The following GABRG3 variants were observed in gnomAD, a reference collection of about 807,000 sequenced individuals.
The protein encoded by GABRG3 is gamma-aminobutyric acid receptor subunit gamma-3.
GABRG3 carries 25 observed loss-of-function variants against 48.8 expected under a neutral mutation model. The observed-to-expected ratio is 0.51, with a 90% confidence interval of 0.37 to 0.72. GABRG3 has a LOEUF of 0.72. Among genes scored for constraint, GABRG3 ranks in the 30% least tolerant of loss-of-function variants. The pLI is 0.00. For missense variants in GABRG3, 394 were observed against 577.9 expected (o/e 0.68, Z 3.26); for synonymous variants, 227 against 217.6 (o/e 1.04, Z -0.38).
chr15:27,314,875 A>T (rs1409740584), intron 3 of GABRG3, among the ~76,000 whole-genome samples: 6 of 152,322 alleles, frequency 3.9e-5, no homozygotes, highest in Non-Finnish European at 1.5e-5. Flanking sequence ...ATCAGAGAGT[A>T]CAATGGTTGT....
At chr15:27,097,744 A>G (rs1897288865) in intron 3 of GABRG3, among the ~76,000 whole-genome samples, 1 of 152,124 alleles carries the variant, frequency 6.6e-6, no homozygotes, top group Non-Finnish European at 1.5e-5. Context: ...GGTCAAGGCC[A>G]AGCAGGCCAC....
At chr15:26,981,706 G>A (rs1013025721) in intron 2 of GABRG3, among the ~76,000 whole-genome samples, 3 of 152,176 alleles carry the variant, frequency 2.0e-5, no homozygotes, top group African/African-American at 7.2e-5. Flanking sequence ...GGGGAAGTGG[G>A]GATTGCAGCA....
At chr15:27,011,765 G>A (rs1252338939) in intron 2 of GABRG3, among the ~76,000 whole-genome samples, 1 of 151,432 alleles carries the variant, frequency 6.6e-6, no homozygotes. Context: ...GGAGAATGGC[G>A]TGAACCTGGG....
chr15:27,452,046 A>G (rs1889128522), intron 5 of GABRG3, among the ~76,000 whole-genome samples: 1 of 152,196 alleles, frequency 6.6e-6, no homozygotes, highest in Non-Finnish European at 1.5e-5. Flanking sequence ...ATTGGAAGAA[A>G]ATTTTTAAGT....
At chr15:27,149,268 A>G (rs1405550053) in intron 3 of GABRG3, among the ~76,000 whole-genome samples, 1 of 151,286 alleles carries the variant, frequency 6.6e-6, no homozygotes, top group East Asian at 1.9e-4. Flanking sequence ...TAAAATATTC[A>G]GGAATAAATT....
chr15:26,985,171 C>T (rs1595455950), intron 2 of GABRG3, among the ~76,000 whole-genome samples: 1 of 152,226 alleles, frequency 6.6e-6, no homozygotes, highest in Admixed American at 6.5e-5. Flanking sequence ...CAGCCTCCTC[C>T]TCTGCCAGGG....
At chr15:27,437,353 T>C (rs1888650839) in intron 5 of GABRG3, among the ~76,000 whole-genome samples, 1 of 152,232 alleles carries the variant, frequency 6.6e-6, no homozygotes, top group Admixed American at 6.5e-5. Context: ...TTATTTTATG[T>C]TGGTATTTTT....
At chr15:27,419,416 G>T (rs1888042772) in intron 5 of GABRG3, among the ~76,000 whole-genome samples, 1 of 152,028 alleles carries the variant, frequency 6.6e-6, no homozygotes, top group East Asian at 1.9e-4. Flanking sequence ...AGTCTTTTGT[G>T]TTAAACTGAT....
chr15:27,119,743 T>A (rs1383085908), intron 3 of GABRG3, among the ~76,000 whole-genome samples: 1 of 152,220 alleles, frequency 6.6e-6, no homozygotes, highest in East Asian at 1.9e-4. Context: ...TGGAAAATCA[T>A]CTGGAGGCTT....
chr15:27,240,713 C>T (rs1890105595), intron 3 of GABRG3, among the ~76,000 whole-genome samples: 1 of 152,020 alleles, frequency 6.6e-6, no homozygotes, highest in Non-Finnish European at 1.5e-5. Context: ...AGATAGAACC[C>T]TGACTTTAAC....
At chr15:27,439,278 T>G (rs1888710740) in intron 5 of GABRG3, among the ~76,000 whole-genome samples, 2 of 152,206 alleles carry the variant, frequency 1.3e-5, no homozygotes, top group African/African-American at 4.8e-5. Flanking sequence ...AACTGCATTT[T>G]CTGGTTAAAA....
At chr15:27,070,219 C>T (rs1426921778) in intron 3 of GABRG3, among the ~76,000 whole-genome samples, 1 of 152,232 alleles carries the variant, frequency 6.6e-6, no homozygotes, top group African/African-American at 2.4e-5. Flanking sequence ...GGACCTTTCT[C>T]TGTATCTTCA....
At chr15:27,195,066 T>G (rs1888450213) in intron 3 of GABRG3, among the ~76,000 whole-genome samples, 1 of 152,152 alleles carries the variant, frequency 6.6e-6, no homozygotes, top group Non-Finnish European at 1.5e-5. Context: ...ATCCAGTGAG[T>G]TTTTAAAAAT....
chr15:27,240,019 C>G (rs1480876091), intron 3 of GABRG3, among the ~76,000 whole-genome samples: 2 of 152,170 alleles, frequency 1.3e-5, no homozygotes, highest in African/African-American at 4.8e-5. Flanking sequence ...AGTACTGATG[C>G]TTTAAAACAT....
chr15:27,208,311 C>G, intron 3 of GABRG3: 1 of 215,286 alleles, frequency 4.6e-6, no homozygotes, highest in East Asian at 1.2e-4. Flanking sequence ...AAGGCCTGGT[C>G]AGTGAAGTCT....
chr15:27,453,181 G>A (rs985527106), intron 5 of GABRG3, among the ~76,000 whole-genome samples: 2 of 152,142 alleles, frequency 1.3e-5, no homozygotes, highest in African/African-American at 4.8e-5. Flanking sequence ...CAAAACTTCA[G>A]TTATGCGGGG....
intron 3 of GABRG3, among the ~76,000 whole-genome samples, chr15:27,287,902 A>G (rs1250892083): frequency 1.3e-5 from 2 of 151,684 alleles, no homozygotes; most frequent in African/African-American, 4.8e-5. Context: ...CCACACCTGG[A>G]TAATTTTTTA....
chr15:27,018,293 G>A (rs989393402), intron 2 of GABRG3, among the ~76,000 whole-genome samples: 5 of 152,122 alleles, frequency 3.3e-5, no homozygotes, highest in African/African-American at 1.2e-4. Context: ...TTCAGGAGGT[G>A]GAAATTTAGA....
At chr15:27,001,575 G>T (rs1235440262) in intron 2 of GABRG3, among the ~76,000 whole-genome samples, 22 of 152,240 alleles carry the variant, frequency 1.4e-4, no homozygotes. Context: ...AGTAGCAGGA[G>T]GACTTACTTG....
Sources: allele counts gnomAD v4.1 joint callset (sites outside exome capture counted in the v4.1 genomes callset), GRCh38; gene constraint gnomAD v4.1.1; transcripts MANE v1.5; gene names NCBI Gene and HGNC (gene_info 2026-07-23, HGNC 2026-07-21).